Variants in ABCA13 observed in about 807,000 individuals in gnomAD.
The protein encoded by ABCA13 is ATP binding cassette subfamily A member 13.
ABCA13 carries 476 observed loss-of-function variants against 478.7 expected under a neutral mutation model. The ratio of observed to expected loss-of-function variants is 0.99; its 90% CI spans 0.92 to 1.07. ABCA13 has a LOEUF of 1.07. ABCA13 is among the 50% of genes least tolerant of loss of function. The pLI is 0.00. For synonymous variants in ABCA13, 2,252 were observed against 2,158.9 expected (o/e 1.04, Z -1.20); for missense variants, 6,060 against 5,910.6 (o/e 1.03, Z -0.83).
intron 58 of ABCA13, among the ~76,000 whole-genome samples, chr7:48,600,983 C>T (rs954960463): frequency 6.6e-6 from 1 of 152,048 alleles, no homozygotes; most frequent in Non-Finnish European, 1.5e-5. Context: ...CTGATCTTAT[C>T]GCACAAGTCT....
intron 35 of ABCA13, among the ~76,000 whole-genome samples, chr7:48,380,551 T>C (rs1814180817): frequency 6.6e-6 from 1 of 152,204 alleles, no homozygotes; most frequent in Non-Finnish European, 1.5e-5. Flanking sequence ...TCAATAACCA[T>C]GAAACACTTT....
At chr7:48,340,617 G>C (rs1807010333) in intron 29 of ABCA13, among the ~76,000 whole-genome samples, 1 of 152,038 alleles carries the variant, frequency 6.6e-6, no homozygotes, top group South Asian at 2.1e-4. Flanking sequence ...TCACAAAAAT[G>C]ATTATACTGT....
chr7:48,475,001 A>C (rs1228269409), intron 45 of ABCA13, among the ~76,000 whole-genome samples: 1 of 152,250 alleles, frequency 6.6e-6, no homozygotes, highest in Non-Finnish European at 1.5e-5. Flanking sequence ...TGCTGGATAA[A>C]GCAGTATTAA....
At chr7:48,298,327 C>T (rs766913623) in intron 22 of ABCA13, 39 bp from the exon 23 acceptor site, 6 of 1,569,052 alleles carry the variant, frequency 3.8e-6, no homozygotes, top group South Asian at 1.2e-5. Context: ...ATGATCTAAA[C>T]CTTTATTACA....
intron 55 of ABCA13, among the ~76,000 whole-genome samples, chr7:48,568,544 C>T (rs1273979678): frequency 6.6e-6 from 1 of 151,992 alleles, no homozygotes; most frequent in East Asian, 1.9e-4. Flanking sequence ...GATTTTTAAA[C>T]ATCTATTTAT....
intron 59 of ABCA13, among the ~76,000 whole-genome samples, chr7:48,633,929 T>C (rs1022389728): frequency 8.7e-6 from 1 of 115,040 alleles, no homozygotes; most frequent in Non-Finnish European, 1.8e-5. Context: ...GATAGATAGA[T>C]ACATAGATAG....
chr7:48,355,311 T>G (rs772419586), intron 31 of ABCA13, among the ~76,000 whole-genome samples: 34 of 151,824 alleles, frequency 2.2e-4, no homozygotes, highest in Non-Finnish European at 4.3e-4. Context: ...GGAAGTGTGT[T>G]CTAGGGCAGA....
intron 29 of ABCA13, among the ~76,000 whole-genome samples, chr7:48,348,519 G>A (rs1808449221): frequency 6.6e-6 from 1 of 152,156 alleles, no homozygotes; most frequent in African/African-American, 2.4e-5. Context: ...TTTCCAATGA[G>A]CGTGTTTTAT....
intron 23 of ABCA13, among the ~76,000 whole-genome samples, chr7:48,308,877 A>G (rs1801313844): frequency 6.7e-6 from 1 of 150,342 alleles, no homozygotes; most frequent in African/African-American, 2.5e-5. Context: ...ACAGGTTTGT[A>G]GTCTAGGAGC....
intron 55 of ABCA13, among the ~76,000 whole-genome samples, chr7:48,564,879 T>C (rs1786868261): frequency 6.6e-6 from 1 of 152,190 alleles, no homozygotes; most frequent in South Asian, 2.1e-4. Context: ...TCATATTTAC[T>C]ATCCGGAATC....
chr7:48,281,261 A>G, intron 18 of ABCA13, 82 bp from the exon 19 acceptor site: 1 of 1,147,592 alleles, frequency 8.7e-7, no homozygotes, highest in East Asian at 2.6e-5. Context: ...CATGTGTGTT[A>G]TAACTTAACC....
intron 20 of ABCA13, among the ~76,000 whole-genome samples, chr7:48,290,337 T>G (rs900093630): frequency 1.3e-5 from 2 of 152,218 alleles, no homozygotes; most frequent in Non-Finnish European, 2.9e-5. Flanking sequence ...CTGTATACAC[T>G]TATCCAGCAT....
At chr7:48,178,412 C>T (rs1302113674) in intron 1 of ABCA13, among the ~76,000 whole-genome samples, 1 of 152,108 alleles carries the variant, frequency 6.6e-6, no homozygotes. Context: ...TGGTGGCTCA[C>T]ACCTGTAATC....
At chr7:48,578,694 A>C (rs1788419022) in intron 55 of ABCA13, among the ~76,000 whole-genome samples, 1 of 152,190 alleles carries the variant, frequency 6.6e-6, no homozygotes. Flanking sequence ...GGATATTAAC[A>C]AACTGATTTT....
intron 27 of ABCA13, among the ~76,000 whole-genome samples, chr7:48,333,193 A>G (rs986809866): frequency 1.5e-4 from 23 of 152,178 alleles, no homozygotes; most frequent in African/African-American, 5.5e-4. Context: ...TGTCAGGTTC[A>G]GTGGTTCTCT....
intron 45 of ABCA13, among the ~76,000 whole-genome samples, chr7:48,478,310 T>TATATATATAA (rs1554531471): frequency 0.079 from 11,487 of 146,040 alleles, 526 homozygotes; most frequent in Admixed American, 0.12. Context: ...TATATATATA[T>TATATATATAA]AATCACACAC....
intron 27 of ABCA13, among the ~76,000 whole-genome samples, chr7:48,318,972 G>A (rs1802996119): frequency 6.6e-6 from 1 of 152,150 alleles, no homozygotes; most frequent in Admixed American, 6.5e-5. Flanking sequence ...CCCTATTGTG[G>A]GGAAGAGAAG....
Position 48,359,695 on chromosome 7 carries a change from C to G in ABCA13, c.10688+7208C>G, listed in dbSNP as rs186641305. 4.4e-4 allele frequency among the ~76,000 whole-genome samples: 67 copies of G among 152,072 alleles called. 2 individuals carry two copies. Among genetic ancestry groups the G allele is most frequent in the African/African-American group, 1.6e-3 (66 of 41,368 alleles). On this transcript the variant is annotated intron_variant, in intron 31 of 61. Coordinates refer to ENST00000435803, the MANE Select transcript of ABCA13 (RefSeq NM_152701.5). ...TGAGAGGTGGTGGCTGGAAATTTGC[C>G]TCCTCCCTGCACTTGCCTCAAAGTC...
intron 48 of ABCA13, among the ~76,000 whole-genome samples, chr7:48,498,746 A>G (rs1830486685): frequency 6.6e-6 from 1 of 152,230 alleles, no homozygotes; most frequent in African/African-American, 2.4e-5. Flanking sequence ...TATACTGTAG[A>G]CATATTGTCC....
Sources: allele counts gnomAD v4.1 joint callset (sites outside exome capture counted in the v4.1 genomes callset), GRCh38; gene constraint gnomAD v4.1.1; transcripts MANE v1.5; gene names NCBI Gene and HGNC (gene_info 2026-07-23, HGNC 2026-07-21).